Variants in TEKT3 observed in about 807,000 individuals in gnomAD.
TEKT3 encodes tektin-3.
Under a neutral mutation model 49.8 loss-of-function variants are expected in TEKT3, and 49 were observed. That is an observed-to-expected ratio of 0.98 (90% CI 0.78 to 1.25). The LOEUF (loss-of-function observed/expected upper bound fraction) is 1.25. Ranked by LOEUF, TEKT3 falls within the 50% of genes most tolerant of loss-of-function variation. The pLI is 0.00. For synonymous variants in TEKT3, 225 were observed against 237.2 expected (o/e 0.95, Z 0.47); for missense variants, 595 against 629.5 (o/e 0.95, Z 0.59).
Position 15,308,772 on chromosome 17 carries a change from T to C in TEKT3, c.1148A>G (p.Lys383Arg), listed in dbSNP as rs184881892. Residue 383 changes from lysine (K) to arginine (R), a missense_variant, in exon 8 of 9, where the codon AAG (lysine) becomes AGG (arginine). Transcript: ENST00000395930. ...FQTEMTIESIKKAIKDKTAFL... is the reference protein window; with the variant it reads ...FQTEMTIESIRKAIKDKTAFL... ...GGCAGTCTTGTCCTTGATGGCCTTCTTGATGGATTCTATGGTCATTTCAGT... is the reference window on the plus strand; with the variant it reads ...GGCAGTCTTGTCCTTGATGGCCTTCCTGATGGATTCTATGGTCATTTCAGT... 2.5e-6 allele frequency: 4 copies of C among 1,614,136 alleles called. No individual in the cohort carries two copies. The Admixed American group carries it at 5.0e-5, about 20-fold the overall frequency.
At position 15,308,817 on chromosome 17, in the gene TEKT3, G is replaced by T; in HGVS notation, c.1103C>A (p.Thr368Asn). ...TTCAGTCTGGAAAATCTCCTGCAGGGTCTGTGACAAAGAGAAGCAACTGCC... is the reference window on the plus strand; with the variant it reads ...TTCAGTCTGGAAAATCTCCTGCAGGTTCTGTGACAAAGAGAAGCAACTGCC... ...KNKIQTHLAK[T>N]LQEIFQTEMT... The change falls in exon 8 of 9, where the codon ACC becomes AAC. Residue 368 changes from threonine to asparagine, a missense_variant and splice_region_variant. Transcript: ENST00000395930. 1.2e-6 allele frequency: 2 copies of T among 1,612,428 alleles called. No homozygotes were observed. The highest frequency in any genetic ancestry group is 1.1e-5 in the South Asian group (1 of 91,038).
intron 2 of TEKT3, among the ~76,000 whole-genome samples, chr17:15,335,036 G>GA (rs11461426): frequency 0.48 from 73,015 of 152,024 alleles, 18,690 homozygotes; most frequent in African/African-American, 0.65. Flanking sequence ...GGCATCATAG[G>GA]CTCTGATCCT....
rs138244545 is a variant in TEKT3, at chr17:15,304,465, G to A, written c.1257-313C>T. Among the ~76,000 whole-genome samples, 13 of 152,240 alleles carry A rather than the reference G, an allele frequency of 8.5e-5. No homozygotes were observed. In the East Asian group the frequency reaches 2.1e-3, roughly 25 times the overall value. On this transcript the variant is annotated intron_variant, in intron 8 of 8. Transcript: ENST00000395930. The surrounding 1 kb of genome is among the most constrained non-coding windows in gnomAD (Gnocchi z 4.7). ...TCACAGAAATTCACAACTGGAAAAC[G>A]AATTTAGAGAGGTCACCAAGCCCAA...
intron 8 of TEKT3, 22 bp downstream of exon 8, chr17:15,308,642 G>A (rs147155688): frequency 0.015 from 24,692 of 1,594,600 alleles, 237 homozygotes; most frequent in Non-Finnish European, 0.017. Flanking sequence ...AGCGAGCCCC[G>A]AGCCTTCCCC....
At chr17:15,321,391 C>A (rs1441217416) in intron 4 of TEKT3, among the ~76,000 whole-genome samples, 1 of 135,202 alleles carries the variant, frequency 7.4e-6, no homozygotes, top group Non-Finnish European at 1.7e-5. Context: ...CACAAGAATA[C>A]AAAAAGCCCA....
chr17:15,312,094 C>T (rs1910792186), intron 7 of TEKT3, among the ~76,000 whole-genome samples, 165 bp downstream of exon 7: 2 of 152,084 alleles, frequency 1.3e-5, no homozygotes, highest in East Asian at 1.9e-4. Context: ...GGCTACCTGG[C>T]TGAAATAAAT....
Position 15,331,660 on chromosome 17 carries a change from C to A in TEKT3, c.-29-46G>T, listed in dbSNP as rs1392669032. On this transcript the variant is annotated intron_variant, in intron 2 of 8. Transcript: ENST00000395930. The stretch of plus-strand genomic sequence containing the variant: ...AAATAAGACAGTCACATAAAATAAT[C>A]TCTGGTGAAACATACAGATAAAAGG... The A allele has an allele frequency of 9.9e-6, 14 of 1,413,714 alleles. No homozygotes were observed. In the Admixed American group the frequency reaches 2.8e-4, roughly 29 times the overall value. The allele number at this position is 1,413,714 out of a possible 1,614,324, so 87.6% of individuals were successfully genotyped here.
Position 15,313,374 on chromosome 17 carries a change from GGCCTGGCAAA to G in TEKT3, c.878+703_878+712del, listed in dbSNP as rs1910850486. Among the ~76,000 whole-genome samples the G allele has an allele frequency of 3.3e-5, 5 of 152,166 alleles. No homozygotes were observed. The East Asian group carries it at 9.6e-4, about 29-fold the overall frequency. On this transcript the variant is annotated intron_variant, in intron 6 of 8. Transcript: ENST00000395930. The stretch of plus-strand genomic sequence containing the variant: ...GATCCTGCCCAAAATTGCATCCAGG[GGCCTGGCAAA>G]GAAACCACTGGTGGGGTAAGTTGAA...
rs755799105 is a variant in TEKT3 at position 15,314,300 on chromosome 17, C to T, written c.735-70G>A. The T allele has an allele frequency of 2.5e-6, 4 of 1,587,498 alleles. No homozygotes were observed. The Admixed American group carries it at 7.0e-5, about 28-fold the overall frequency. ...ATGTCCTGCAAGGACACATGAGTGC[C>T]CTTCCATATTGGGACCTCTCTCACT... On this transcript the variant is annotated intron_variant, in intron 5 of 8. Coordinates refer to ENST00000395930, the MANE Select transcript of TEKT3 (RefSeq NM_031898.3).
rs775060153 is a variant in TEKT3 at position 15,303,913 on chromosome 17, C to G, written c.*23G>C. 1.5e-5 allele frequency: 24 copies of G among 1,612,112 alleles called. No homozygotes were observed. In the East Asian group the frequency reaches 4.9e-4, roughly 33 times the overall value. On this transcript the variant is annotated 3_prime_UTR_variant, in exon 9 of 9. Transcript: ENST00000395930. ...TGGCTCAGCCTTAACTTAGGGGTAT[C>G]AAAACCACACCCGGTGGGGTCCCTA... is the stretch of plus-strand genomic sequence containing the variant.
intron 8 of TEKT3, 136 bp downstream of exon 8, chr17:15,308,528 C>G (rs112731218): frequency 8.4e-7 from 1 of 1,186,868 alleles, no homozygotes. Flanking sequence ...CATTCAACAT[C>G]TCCCCATTAC....
chr17:15,330,965 T>C, intron 3 of TEKT3, 42 bp downstream of exon 3: 1 of 1,520,070 alleles, frequency 6.6e-7, no homozygotes, highest in South Asian at 1.3e-5. Context: ...ACCAGTGGGT[T>C]ATAATCATAA....
At chr17:15,336,007 G>C (rs1211729619) in intron 2 of TEKT3, among the ~76,000 whole-genome samples, 4 of 151,976 alleles carry the variant, frequency 2.6e-5, no homozygotes, top group Admixed American at 2.6e-4. Flanking sequence ...AAAAAGTAGA[G>C]AGACAAAAAT....
chr17:15,327,670 T>C (rs993587592), intron 4 of TEKT3: 6 of 282,838 alleles, frequency 2.1e-5, no homozygotes, highest in Non-Finnish European at 4.1e-5. Flanking sequence ...TATCTAAGAA[T>C]GATTAATAAA....
intron 8 of TEKT3, among the ~76,000 whole-genome samples, chr17:15,305,418 G>A (rs542386447): frequency 2.0e-5 from 3 of 152,232 alleles, no homozygotes; most frequent in Admixed American, 2.0e-4. Flanking sequence ...GTCTGGGGAC[G>A]GTAAACACAA....
intron 3 of TEKT3, 93 bp from the exon 4 acceptor site, chr17:15,328,168 T>A: frequency 9.4e-7 from 1 of 1,066,438 alleles, no homozygotes; most frequent in Non-Finnish European, 1.4e-6. Context: ...AGTCAATAGA[T>A]ACTCCCAATA....
intron 3 of TEKT3, 52 bp downstream of exon 3, chr17:15,330,955 A>G: frequency 1.4e-6 from 2 of 1,470,392 alleles, no homozygotes; most frequent in Non-Finnish European, 1.8e-6. Flanking sequence ...CAGTAACTCA[A>G]CCAGTGGGTT....
intron 5 of TEKT3, among the ~76,000 whole-genome samples, chr17:15,318,279 A>G (rs981584486): frequency 5.9e-5 from 9 of 152,136 alleles, no homozygotes; most frequent in South Asian, 4.2e-4. Context: ...GTGAGCCACC[A>G]CGCCCGGCCG....
At chr17:15,330,626 T>C (rs1444627855) in intron 3 of TEKT3, among the ~76,000 whole-genome samples, 1 of 152,216 alleles carries the variant, frequency 6.6e-6, no homozygotes, top group Non-Finnish European at 1.5e-5. Flanking sequence ...GTACAGCCTG[T>C]AGAACCAGGC....
Sources: allele counts gnomAD v4.1 joint callset (sites outside exome capture counted in the v4.1 genomes callset), GRCh38; gene constraint gnomAD v4.1.1; non-coding constraint Gnocchi (gnomAD v3.1); transcripts MANE v1.5; gene names NCBI Gene and HGNC (gene_info 2026-07-23, HGNC 2026-07-21).